Variants in ATF7IP2 observed in about 807,000 individuals in gnomAD.
The protein encoded by ATF7IP2 is activating transcription factor 7-interacting protein 2.
A neutral mutation model predicts 64.2 loss-of-function variants in ATF7IP2; 42 were observed. That is an observed-to-expected ratio of 0.65 (90% CI 0.51 to 0.85). The LOEUF (loss-of-function observed/expected upper bound fraction) is 0.85, where lower values mean the gene tolerates loss of function less well. Ranked by LOEUF, ATF7IP2 falls within the 40% of genes least tolerant of loss-of-function variation. The pLI, the probability that ATF7IP2 is intolerant of heterozygous loss-of-function variation, is 0.00. For missense variants in ATF7IP2, 933 were observed against 784.2 expected (o/e 1.19, Z -2.27); for synonymous variants, 308 against 272.8 (o/e 1.13, Z -1.27).
At chr16:10,448,546 CTCATGA>C (rs2048884372) in intron 8 of ATF7IP2, 1 of 152,088 alleles carries the variant, frequency 6.6e-6, no homozygotes. Flanking sequence ...TGGGAGTTCA[CTCATGA>C]TTTGGTTCTC....
intron 9 of ATF7IP2, among the ~76,000 whole-genome samples, chr16:10,468,664 T>C (rs75298580): frequency 1.3e-5 from 2 of 152,246 alleles, no homozygotes; most frequent in East Asian, 3.9e-4. Flanking sequence ...AAAATTCAGA[T>C]AGAGCTCTGA....
chr16:10,402,087 T>C lies in ATF7IP2; in HGVS notation c.-241-12487T>C, dbSNP rs80068719. 2.6e-3 allele frequency among the ~76,000 whole-genome samples: 395 copies of C among 152,288 alleles called. 10 individuals carry two copies. In the East Asian group the frequency reaches 0.062, roughly 24 times the overall value. On this transcript the variant is annotated intron_variant, in intron 1 of 13. Transcript: ENST00000562102. The stretch of plus-strand genomic sequence containing the variant: ...GTTTTATTGATACTTCTTTTTGGTC[T>C]CTATTTCATTTAGTTCTGCTGTGAC...
At chr16:10,445,307 T>G (rs1469378856) in intron 8 of ATF7IP2, 2 of 152,178 alleles carry the variant, frequency 1.3e-5, no homozygotes, top group Non-Finnish European at 2.9e-5. Flanking sequence ...TTTTTCTTTT[T>G]TCAGTGGAAG....
intron 5 of ATF7IP2, among the ~76,000 whole-genome samples, chr16:10,432,810 G>C (rs12597500): frequency 6.6e-6 from 1 of 151,968 alleles, no homozygotes; most frequent in African/African-American, 2.4e-5. Context: ...CCTGGGGGGC[G>C]GAAGTTGCAC....
At chr16:10,392,116 A>G (rs1372930569) in intron 1 of ATF7IP2, among the ~76,000 whole-genome samples, 2 of 146,850 alleles carry the variant, frequency 1.4e-5, no homozygotes, top group Non-Finnish European at 3.0e-5. Flanking sequence ...TGAACGGGCA[A>G]GATCTCAGCT....
chr16:10,433,189 T>C (rs939331736), intron 5 of ATF7IP2, among the ~76,000 whole-genome samples: 4 of 152,180 alleles, frequency 2.6e-5, no homozygotes, highest in African/African-American at 9.7e-5. Context: ...TTCTCTTTTT[T>C]CCTCCTTGAA....
rs1567185283 is a variant in ATF7IP2, at chr16:10,482,444, GA to G, written c.*196del. On this transcript the variant is annotated 3_prime_UTR_variant, in exon 14 of 14. Transcript: ENST00000562102. Reference sequence around the variant, plus strand: ...TTGTATTAAATATGTCCTTCCAATGGATAAGTTCTAAAACATACGCTATCAT... The same window carrying G: ...TTGTATTAAATATGTCCTTCCAATGGTAAGTTCTAAAACATACGCTATCAT... 1.2e-5 allele frequency: 6 copies of G among 490,052 alleles called. No individual in the cohort carries two copies. The highest frequency in any genetic ancestry group is 2.1e-5 in the Non-Finnish European group (6 of 280,042). The allele number at this position is 490,052 out of a possible 1,614,324, so 30.4% of individuals were successfully genotyped here.
intron 9 of ATF7IP2, among the ~76,000 whole-genome samples, chr16:10,466,897 C>G (rs1212864889): frequency 6.6e-6 from 1 of 150,820 alleles, no homozygotes; most frequent in East Asian, 1.9e-4. Context: ...TTTTAATGCT[C>G]TTGTTTTAAC....
intron 1 of ATF7IP2, among the ~76,000 whole-genome samples, chr16:10,414,079 G>A (rs540154272): frequency 3.3e-4 from 50 of 152,278 alleles, no homozygotes; most frequent in African/African-American, 1.2e-3. Context: ...TCTTTTTGCA[G>A]TGAATTTCCC....
chr16:10,418,163 G>A (rs1306185497), intron 2 of ATF7IP2, among the ~76,000 whole-genome samples: 1 of 152,212 alleles, frequency 6.6e-6, no homozygotes, highest in Non-Finnish European at 1.5e-5. Flanking sequence ...AAAGGGATGG[G>A]CTCTGGCTAG....
intron 9 of ATF7IP2, among the ~76,000 whole-genome samples, chr16:10,470,446 A>G (rs912216080): frequency 1.3e-5 from 2 of 152,134 alleles, no homozygotes; most frequent in Admixed American, 1.3e-4. Context: ...CAAATTGTAT[A>G]TCTATCAATG....
chr16:10,433,793 G>T (rs1427778252), intron 6 of ATF7IP2, 144 bp downstream of exon 6: 3 of 835,226 alleles, frequency 3.6e-6, no homozygotes, highest in East Asian at 5.5e-5. Context: ...TTATCAGACA[G>T]ACTGGGGAGA....
chr16:10,400,800 GC>G (rs1264346995), intron 1 of ATF7IP2, among the ~76,000 whole-genome samples: 1 of 152,122 alleles, frequency 6.6e-6, no homozygotes, highest in African/African-American at 2.4e-5. Flanking sequence ...TTATGCCTCA[GC>G]CTCCTGAGTA....
At chr16:10,440,075 G>A (rs977386629) in intron 7 of ATF7IP2, among the ~76,000 whole-genome samples, 5 of 151,856 alleles carry the variant, frequency 3.3e-5, no homozygotes, top group African/African-American at 1.2e-4. Context: ...CAGGAGAATC[G>A]CTTGAACCCG....
chr16:10,412,808 C>T (rs1477246540), intron 1 of ATF7IP2, among the ~76,000 whole-genome samples: 1 of 152,116 alleles, frequency 6.6e-6, no homozygotes, highest in Non-Finnish European at 1.5e-5. Flanking sequence ...TGCTGTCTAT[C>T]TCATTTCTTA....
At chr16:10,386,715 A>G (rs2047210740) in intron 1 of ATF7IP2, 1 of 152,200 alleles carries the variant, frequency 6.6e-6, no homozygotes, top group African/African-American at 2.4e-5. Context: ...TAAGGATGGT[A>G]GGATTTAAGG....
intron 1 of ATF7IP2, among the ~76,000 whole-genome samples, chr16:10,388,041 T>G (rs1227045980): frequency 6.6e-6 from 1 of 151,992 alleles, no homozygotes; most frequent in African/African-American, 2.4e-5. Context: ...TAGCTGGGAT[T>G]ATAGGCGCCC....
intron 1 of ATF7IP2, among the ~76,000 whole-genome samples, chr16:10,412,428 T>TTG (rs1186850993): frequency 6.6e-6 from 1 of 152,232 alleles, no homozygotes; most frequent in Non-Finnish European, 1.5e-5. Flanking sequence ...GATTTCATTG[T>TTG]TGACCCAGTG....
At chr16:10,399,174 C>A (rs1348738852) in intron 1 of ATF7IP2, among the ~76,000 whole-genome samples, 4 of 152,058 alleles carry the variant, frequency 2.6e-5, no homozygotes, top group African/African-American at 9.7e-5. Flanking sequence ...TAACAATATG[C>A]TGTATACTTG....
Sources: gnomAD v4.1 joint callset for allele counts (sites outside exome capture counted in the v4.1 genomes callset) on GRCh38, gnomAD v4.1.1 for gene constraint, MANE v1.5 for transcripts, NCBI Gene and HGNC (gene_info 2026-07-23, HGNC 2026-07-21) for gene names.